CDH13: variants seen among roughly 807,000 people sequenced by gnomAD.
CDH13 encodes the protein cadherin-13.
CDH13 carries 24 observed loss-of-function variants against 63.8 expected under a neutral mutation model. That is an observed-to-expected ratio of 0.38 (90% confidence interval 0.27 to 0.53). The LOEUF (loss-of-function observed/expected upper bound fraction) is 0.53, where lower values mean the gene tolerates loss of function less well. Ranked by LOEUF, CDH13 falls within the 20% of genes least tolerant of loss-of-function variation. CDH13 has a pLI of 0.85. For missense variants in CDH13, 1,049 were observed against 903.1 expected, an observed-to-expected ratio of 1.16 and a Z score of -2.07; for synonymous variants, 503 against 355.3, an observed-to-expected ratio of 1.42 and a Z score of -4.67.
At chr16:83,224,397 G>T (rs10871446) in intron 5 of CDH13, among the ~76,000 whole-genome samples, 2 of 152,190 alleles carry the variant, frequency 1.3e-5, no homozygotes, top group Non-Finnish European at 2.9e-5. Context: ...GTGCAGTTTT[G>T]TTCCAAGTGA....
At chr16:83,458,710 C>T (rs1411091361) in intron 6 of CDH13, among the ~76,000 whole-genome samples, 1 of 152,176 alleles carries the variant, frequency 6.6e-6, no homozygotes, top group African/African-American at 2.4e-5. Context: ...TCTTTATATA[C>T]TGTCTTTTCA....
At chr16:83,356,582 G>A (rs940571012) in intron 6 of CDH13, among the ~76,000 whole-genome samples, 10 of 152,050 alleles carry the variant, frequency 6.6e-5, no homozygotes, top group African/African-American at 2.4e-4. Context: ...TAGAGCTGCT[G>A]CTTCCATTTA....
chr16:83,672,640 G>T (rs1914613255), intron 9 of CDH13, among the ~76,000 whole-genome samples: 1 of 151,772 alleles, frequency 6.6e-6, no homozygotes. Flanking sequence ...GGCCAGGCTG[G>T]TCTTGAACTC....
intron 7 of CDH13, among the ~76,000 whole-genome samples, chr16:83,523,876 G>A (rs567934442): frequency 1.3e-5 from 2 of 152,174 alleles, no homozygotes; most frequent in African/African-American, 4.8e-5. Flanking sequence ...TTCTGGGAAA[G>A]ATGAAGCATC....
intron 11 of CDH13, among the ~76,000 whole-genome samples, chr16:83,755,817 G>A (rs147216246): frequency 1.3e-5 from 2 of 151,102 alleles, no homozygotes; most frequent in African/African-American, 4.8e-5. Context: ...AATATTTCAG[G>A]CAGAGGGAAA....
intron 8 of CDH13, among the ~76,000 whole-genome samples, chr16:83,649,443 G>T (rs975155536): frequency 1.3e-5 from 2 of 152,180 alleles, no homozygotes; most frequent in Non-Finnish European, 2.9e-5. Flanking sequence ...GAAAGAGAGG[G>T]TGGTTGGGCT....
chr16:82,958,406 A>C (rs1339165062), intron 2 of CDH13, among the ~76,000 whole-genome samples: 1 of 152,222 alleles, frequency 6.6e-6, no homozygotes, highest in African/African-American at 2.4e-5. Context: ...AGAAAAATTT[A>C]GAAGGCATAA....
intron 2 of CDH13, among the ~76,000 whole-genome samples, chr16:83,018,541 A>G (rs1405827278): frequency 6.6e-6 from 1 of 152,218 alleles, no homozygotes; most frequent in Non-Finnish European, 1.5e-5. Flanking sequence ...AGTGACAAGC[A>G]CATTATTTCA....
chr16:83,272,686 C>T (rs1357159980), intron 5 of CDH13, among the ~76,000 whole-genome samples: 1 of 152,104 alleles, frequency 6.6e-6, no homozygotes, highest in Non-Finnish European at 1.5e-5. Flanking sequence ...CTGAAGATTT[C>T]ATAAGGTGGA....
chr16:83,180,352 T>C (rs1387083526), intron 4 of CDH13, among the ~76,000 whole-genome samples: 1 of 152,172 alleles, frequency 6.6e-6, no homozygotes, highest in Non-Finnish European at 1.5e-5. Flanking sequence ...TTTCACATCC[T>C]TTCCTTTATA....
At chr16:83,138,353 G>C (rs147317282) in intron 4 of CDH13, among the ~76,000 whole-genome samples, 1 of 151,960 alleles carries the variant, frequency 6.6e-6, no homozygotes, top group East Asian at 1.9e-4. Flanking sequence ...GCAGACAAGC[G>C]CTGTGATGGG....
intron 5 of CDH13, among the ~76,000 whole-genome samples, chr16:83,310,995 G>C (rs937086042): frequency 3.3e-5 from 5 of 152,142 alleles, no homozygotes; most frequent in Non-Finnish European, 7.3e-5. Context: ...CCCACATAAA[G>C]GTTATCCTCT....
At chr16:83,398,979 A>G (rs2091927930) in intron 6 of CDH13, among the ~76,000 whole-genome samples, 1 of 152,254 alleles carries the variant, frequency 6.6e-6, no homozygotes, top group South Asian at 2.1e-4. Context: ...TGCTATTTAC[A>G]ACAATGGCTG....
chr16:83,227,745 T>C (rs28396780), intron 5 of CDH13, among the ~76,000 whole-genome samples: 8,090 of 152,144 alleles, frequency 0.053, 551 homozygotes, highest in African/African-American at 0.15. Context: ...GGGGAGCATC[T>C]GGGGACCATA....
At chr16:83,469,385 A>G (rs12922569) in intron 6 of CDH13, among the ~76,000 whole-genome samples, 89,342 of 152,040 alleles carry the variant, frequency 0.59, 27,935 homozygotes, top group East Asian at 0.9. Flanking sequence ...CAGAGGCTTC[A>G]GTGCTAAGTA....
chr16:83,027,301 T>G (rs911479507), intron 2 of CDH13, among the ~76,000 whole-genome samples: 3 of 152,024 alleles, frequency 2.0e-5, no homozygotes, highest in Non-Finnish European at 4.4e-5. Flanking sequence ...AAAAAACAAA[T>G]ACATAATATG....
chr16:82,829,609 C>T (rs1361692249), intron 1 of CDH13: 1 of 152,038 alleles, frequency 6.6e-6, no homozygotes, highest in Admixed American at 6.6e-5. Context: ...TTTCCTGCAA[C>T]ATGAGTTAAT....
intron 5 of CDH13, among the ~76,000 whole-genome samples, chr16:83,331,407 T>C (rs978746131): frequency 6.6e-6 from 1 of 152,224 alleles, no homozygotes; most frequent in African/African-American, 2.4e-5. Context: ...TGATGTCCTA[T>C]GTACTTAATG....
chr16:83,382,874 G>T (rs1378639716), intron 6 of CDH13: 1 of 152,230 alleles, frequency 6.6e-6, no homozygotes, highest in Non-Finnish European at 1.5e-5. Context: ...AATGTCTGGA[G>T]ACATTTGATC....
Sources: gnomAD v4.1 joint callset for allele counts (sites outside exome capture counted in the v4.1 genomes callset) on GRCh38, gnomAD v4.1.1 for gene constraint, MANE v1.5 for transcripts, NCBI Gene and HGNC (gene_info 2026-07-23, HGNC 2026-07-21) for gene names.